OSBPL8: variants seen among roughly 807,000 people sequenced by gnomAD.
OSBPL8 encodes the protein oxysterol binding protein like 8.
OSBPL8 carries 59 observed loss-of-function variants against 125.5 expected under a neutral mutation model. That is an observed-to-expected ratio of 0.47 (90% CI 0.38 to 0.58). OSBPL8 has a LOEUF of 0.58. Among genes scored for constraint, OSBPL8 ranks in the 20% least tolerant of loss-of-function variants. OSBPL8 has a pLI of 0.00. For synonymous variants in OSBPL8, 330 were observed against 338.9 expected (o/e 0.97, Z 0.29); for missense variants, 758 against 1,047.8 (o/e 0.72, Z 3.82).
At chr12:76,414,861 A>G (rs879570323) in intron 4 of OSBPL8, among the ~76,000 whole-genome samples, 6 of 152,206 alleles carry the variant, frequency 3.9e-5, no homozygotes, top group Non-Finnish European at 8.8e-5. Context: ...ATCTATTAAG[A>G]TAATCATATT....
chr12:76,517,031 C>T (rs1302790050), intron 1 of OSBPL8, among the ~76,000 whole-genome samples: 5 of 152,110 alleles, frequency 3.3e-5, no homozygotes, highest in African/African-American at 1.2e-4. Context: ...CCAGCCTGGT[C>T]TCGAACTCCT....
Position 76,527,522 on chromosome 12 carries a change from A to G in OSBPL8, c.-68+31875T>C, listed in dbSNP as rs1950214236. On this transcript the variant is annotated intron_variant, in intron 1 of 23. Transcript: ENST00000261183. ...GTATAAATCTGTCAATTAGAATTAC[A>G]TATCTTCCTTGTTTAAACCACAGCT... 5.9e-5 allele frequency among the ~76,000 whole-genome samples: 9 copies of G among 152,360 alleles called. No individual in the cohort carries two copies. In the South Asian group the frequency reaches 1.9e-3, roughly 32 times the overall value.
chr12:76,466,131 C>T (rs924612139), intron 2 of OSBPL8, among the ~76,000 whole-genome samples: 3 of 151,976 alleles, frequency 2.0e-5, no homozygotes, highest in South Asian at 2.1e-4. Flanking sequence ...TATACACATA[C>T]AAACTTACGA....
At chr12:76,461,258 AGACTGT>A (rs1256189140) in intron 2 of OSBPL8, among the ~76,000 whole-genome samples, 2 of 152,096 alleles carry the variant, frequency 1.3e-5, no homozygotes, top group Non-Finnish European at 2.9e-5. Flanking sequence ...GATTATAAAG[AGACTGT>A]GACTCCCATC....
At chr12:76,378,626 C>A in intron 15 of OSBPL8, 76 bp from the exon 16 acceptor site, 1 of 999,238 alleles carries the variant, frequency 1.0e-6, no homozygotes. Flanking sequence ...ATATTTAGAA[C>A]ACCTACCAGA....
At chr12:76,419,178 G>C (rs974641166) in intron 4 of OSBPL8, among the ~76,000 whole-genome samples, 1 of 151,390 alleles carries the variant, frequency 6.6e-6, no homozygotes, top group Admixed American at 6.6e-5. Flanking sequence ...AGAGGCTGCA[G>C]TGCGCCGAGA....
intron 4 of OSBPL8, among the ~76,000 whole-genome samples, chr12:76,449,263 A>G (rs1873089832): frequency 6.6e-6 from 1 of 152,352 alleles, no homozygotes; most frequent in South Asian, 2.1e-4. Flanking sequence ...CTTCCACCAC[A>G]GCTATGAGTA....
chr12:76,405,596 CT>C (rs1954226830), intron 5 of OSBPL8, among the ~76,000 whole-genome samples: 1 of 152,214 alleles, frequency 6.6e-6, no homozygotes, highest in Non-Finnish European at 1.5e-5. Context: ...CTCAAGGAAT[CT>C]TTAACTCACA....
At chr12:76,410,250 T>C (rs1954457655) in intron 5 of OSBPL8, among the ~76,000 whole-genome samples, 1 of 152,200 alleles carries the variant, frequency 6.6e-6, no homozygotes, top group Admixed American at 6.5e-5. Context: ...GATTTTTTTT[T>C]TAAAGCCATA....
chr12:76,382,979 T>C lies in OSBPL8; in HGVS notation c.1630+1275A>G, dbSNP rs558145812. On this transcript the variant is annotated intron_variant, in intron 15 of 23. Coordinates refer to ENST00000261183, the MANE Select transcript of OSBPL8 (RefSeq NM_020841.5). ...ATATGTTATAAAACTCACAAGATAA[T>C]GCTGACATTTCTGTTTTGAATGGTT... Among the ~76,000 whole-genome samples, 17 of 152,316 alleles carry C rather than the reference T, an allele frequency of 1.1e-4. No homozygotes were observed. In the East Asian group the frequency reaches 3.1e-3, roughly 28 times the overall value.
chr12:76,467,163 T>TTTC (rs1176883191), intron 2 of OSBPL8, among the ~76,000 whole-genome samples: 1 of 152,098 alleles, frequency 6.6e-6, no homozygotes. Context: ...CCTCTTTTGG[T>TTTC]TTCTAAGAAT....
At chr12:76,418,418 A>C (rs1174940376) in intron 4 of OSBPL8, among the ~76,000 whole-genome samples, 2 of 152,100 alleles carry the variant, frequency 1.3e-5, no homozygotes, top group Non-Finnish European at 2.9e-5. Flanking sequence ...ATTCCTTCCA[A>C]ATGGTCATTA....
intron 4 of OSBPL8, among the ~76,000 whole-genome samples, chr12:76,434,932 G>A (rs185804622): frequency 5.3e-5 from 8 of 152,258 alleles, no homozygotes; most frequent in African/African-American, 1.7e-4. Context: ...ATCTATTATG[G>A]AAAGCAGTAT....
chr12:76,524,771 C>A (rs1372534837), intron 1 of OSBPL8, among the ~76,000 whole-genome samples: 1 of 151,512 alleles, frequency 6.6e-6, no homozygotes, highest in Non-Finnish European at 1.5e-5. Flanking sequence ...GCAACCTCCG[C>A]CTCCCAGGTT....
chr12:76,500,941 T>C (rs369697800), intron 1 of OSBPL8, among the ~76,000 whole-genome samples: 2 of 152,224 alleles, frequency 1.3e-5, no homozygotes, highest in East Asian at 3.8e-4. Flanking sequence ...GCAGTTCAGT[T>C]ACTACTGTGT....
At chr12:76,537,003 C>T (rs1950518225) in intron 1 of OSBPL8, 1 of 152,082 alleles carries the variant, frequency 6.6e-6, no homozygotes. Context: ...AGAATGCTTA[C>T]AATTACCAGC....
chr12:76,536,634 G>A (rs920130435), intron 1 of OSBPL8, among the ~76,000 whole-genome samples: 1 of 152,050 alleles, frequency 6.6e-6, no homozygotes, highest in Non-Finnish European at 1.5e-5. Context: ...AGAATTTCTA[G>A]AGGAAATTAT....
rs138308860 is a variant in OSBPL8 at position 76,387,104 on chromosome 12, C to T, written c.1353-444G>A. 9.7e-3 allele frequency among the ~76,000 whole-genome samples: 1,475 copies of T among 152,318 alleles called. 17 individuals are homozygous for T. Among genetic ancestry groups the T allele is most frequent in the Middle Eastern group, 0.054 (16 of 294 alleles). On this transcript the variant is annotated intron_variant, in intron 12 of 23. Coordinates refer to ENST00000261183, the MANE Select transcript of OSBPL8 (RefSeq NM_020841.5). ...CAATTTTGTTAGAAGTCTTCAGCCT[C>T]ACATGTCACTGAAGGACCAATATTT...
intron 1 of OSBPL8, among the ~76,000 whole-genome samples, chr12:76,523,061 C>A (rs1212343446): frequency 6.6e-6 from 1 of 152,088 alleles, no homozygotes; most frequent in Non-Finnish European, 1.5e-5. Flanking sequence ...TAGTCCTGAA[C>A]TCCTGGGATA....
Sources: allele counts gnomAD v4.1 joint callset (sites outside exome capture counted in the v4.1 genomes callset), GRCh38; gene constraint gnomAD v4.1.1; transcripts MANE v1.5; gene names NCBI Gene and HGNC (gene_info 2026-07-23, HGNC 2026-07-21).